The following EPS8 variants were observed in gnomAD, a reference collection of about 807,000 sequenced individuals.
The protein encoded by EPS8 is epidermal growth factor receptor kinase substrate 8.
A neutral mutation model predicts 103.8 loss-of-function variants in EPS8; 42 were observed. The observed-to-expected ratio is 0.40, with a 90% CI of 0.32 to 0.52. EPS8 has a LOEUF of 0.52. Among genes scored for constraint, EPS8 ranks in the 20% least tolerant of loss-of-function variants. EPS8 has a pLI of 0.40. For missense variants in EPS8, 969 were observed against 1,005.1 expected (o/e 0.96, Z 0.49); for synonymous variants, 344 against 344.6 (o/e 1.00, Z 0.02).
intron 3 of EPS8, among the ~76,000 whole-genome samples, chr12:15,678,971 C>T (rs60178670): frequency 0.089 from 12,902 of 144,700 alleles, 1,840 homozygotes; most frequent in African/African-American, 0.3. Context: ...TAAGATTTTA[C>T]AAAGTTGCTT....
rs541305952 is a variant in EPS8, at chr12:15,635,309, T to C, written c.1822-3645A>G. Among the ~76,000 whole-genome samples the C allele has an allele frequency of 3.3e-5, 5 of 152,338 alleles. No homozygotes were observed. In the East Asian group the frequency reaches 7.7e-4, roughly 23 times the overall value. ...ACATATATATATTTATAGTGGGTAT[T>C]ATTCAAATTATCATTAAGAAGTCTC... On this transcript the variant is annotated intron_variant, in intron 17 of 20. Transcript: ENST00000281172.
rs913689782 is a variant in EPS8, at chr12:15,666,454, C to T, written c.585G>A (p.Arg195=). The T allele has an allele frequency of 6.2e-7, 1 of 1,613,178 alleles. No individual in the cohort carries two copies. Among genetic ancestry groups the T allele is most frequent in the Non-Finnish European group, 8.5e-7 (1 of 1,179,288 alleles). ...AATGCTTTTACCTCAGGGCGTCGGG[C>T]CGCCTCTTCTGTTTCCCTCCTTTAC... ...SDSKGGKQKR[R]PDALRMISNA... is the part of the protein sequence containing the mutation. The change falls in exon 7 of 21, where the codon CGG becomes CGA. Residue 195 remains arginine (R), a synonymous_variant. Coordinates refer to ENST00000281172, the MANE Select transcript of EPS8 (RefSeq NM_004447.6).
At position 15,776,986 on chromosome 12, in the gene EPS8, G is replaced by C. The variant is rs1947212670; in HGVS notation, c.-22+12175C>G. Among the ~76,000 whole-genome samples the C allele has an allele frequency of 6.6e-6, 1 of 152,000 alleles. No individual in the cohort carries two copies. Among genetic ancestry groups the C allele is most frequent in the African/African-American group, 2.4e-5 (1 of 41,388 alleles). On this transcript the variant is annotated intron_variant, in intron 1 of 20. Coordinates refer to ENST00000281172, the MANE Select transcript of EPS8 (RefSeq NM_004447.6). This position sits in a 1 kb window ranked among gnomAD's most constrained non-coding sequence, Gnocchi z 4.2. ...TGGATTAAATTATCCCATATTTTTA[G>C]GTCTTTTATCCTGTAGTCCAATGAG...
In EPS8 at chr12:15,745,799, G is replaced by A. The variant is rs1328806166; in HGVS notation, c.-22+43362C>T. Among the ~76,000 whole-genome samples the A allele has an allele frequency of 6.6e-6, 1 of 152,160 alleles. No homozygotes were observed. Among genetic ancestry groups the A allele is most frequent in the African/African-American group, 2.4e-5 (1 of 41,442 alleles). ...GAAACATCAAGAGCTATTATATGTG[G>A]TTTCCCAGTACATGTAAGTTTAAAA... On this transcript the variant is annotated intron_variant, in intron 1 of 20. Coordinates refer to ENST00000281172, the MANE Select transcript of EPS8 (RefSeq NM_004447.6). The surrounding 1 kb of genome is among the most constrained non-coding windows in gnomAD (Gnocchi z 4.6).
At position 15,734,974 on chromosome 12, in the gene EPS8, A is replaced by C. The variant is rs1946754376; in HGVS notation, c.-21-52002T>G. Reference sequence around the variant, plus strand: ...GATGTCAAGGAACTAGGGTCACAACACTGAAGGGCATCTGTAGCACAGCCC... The same window carrying C: ...GATGTCAAGGAACTAGGGTCACAACCCTGAAGGGCATCTGTAGCACAGCCC... On this transcript the variant is annotated intron_variant, in intron 1 of 20. Transcript: ENST00000281172. The surrounding 1 kb of genome is among the most constrained non-coding windows in gnomAD (Gnocchi z 4.1). Among the ~76,000 whole-genome samples, 1 of 152,184 alleles carries C rather than the reference A, an allele frequency of 6.6e-6. No individual in the cohort carries two copies. Among genetic ancestry groups the C allele is most frequent in the Non-Finnish European group, 1.5e-5 (1 of 68,030 alleles).
chr12:15,714,189 G>A lies in EPS8; in HGVS notation c.-21-31217C>T, dbSNP rs1474647825. ...ATTTACTGTGATTATTAACAAATAT[G>A]CCAAACAGAAAATTGAGTGCTCAAC... On this transcript the variant is annotated intron_variant, in intron 1 of 20. Coordinates refer to ENST00000281172, the MANE Select transcript of EPS8 (RefSeq NM_004447.6). The surrounding 1 kb of genome is among the most constrained non-coding windows in gnomAD (Gnocchi z 4.1). Among the ~76,000 whole-genome samples, 2 of 151,988 alleles carry A rather than the reference G, an allele frequency of 1.3e-5. No homozygotes were observed. The highest frequency in any genetic ancestry group is 4.8e-5 in the African/African-American group (2 of 41,398).
At position 15,702,293 on chromosome 12, in the gene EPS8, T is replaced by C. The variant is rs936229108; in HGVS notation, c.-21-19321A>G. Among the ~76,000 whole-genome samples the C allele has an allele frequency of 3.3e-5, 5 of 152,168 alleles. No homozygotes were observed. Among genetic ancestry groups the C allele is most frequent in the Non-Finnish European group, 5.9e-5 (4 of 68,026 alleles). On this transcript the variant is annotated intron_variant, in intron 1 of 20. Transcript: ENST00000281172. The surrounding 1 kb of genome is among the most constrained non-coding windows in gnomAD (Gnocchi z 5.1). ...TGATTTTAGGGTTGAGAGAGTATCA[T>C]CCTATTTCCTTAAAATCTATCGTTT...
rs967219033 is a variant in EPS8 at position 15,713,904 on chromosome 12, T to C, written c.-21-30932A>G. On this transcript the variant is annotated intron_variant, in intron 1 of 20. Transcript: ENST00000281172. This position sits in a 1 kb window ranked among gnomAD's most constrained non-coding sequence, Gnocchi z 4.8. Reference sequence around the variant, plus strand: ...AACCTATGACACAACAGTTTTGAAATGTGAATCTTATTTGTATGAGAATCT... The same window carrying C: ...AACCTATGACACAACAGTTTTGAAACGTGAATCTTATTTGTATGAGAATCT... Among the ~76,000 whole-genome samples, 1 of 152,242 alleles carries C rather than the reference T, an allele frequency of 6.6e-6. No individual in the cohort carries two copies. The highest frequency in any genetic ancestry group is 1.9e-4 in the East Asian group (1 of 5,206).
chr12:15,784,644 C>A lies in EPS8; in HGVS notation c.-22+4517G>T, dbSNP rs577663437. On this transcript the variant is annotated intron_variant, in intron 1 of 20. Transcript: ENST00000281172. The surrounding 1 kb of genome is among the most constrained non-coding windows in gnomAD (Gnocchi z 4.0). Reference sequence around the variant, plus strand: ...AGCAATCGCACTTCTAGATATTTATCCAACGGATATAAGAACTTATGTCTA... The same window carrying A: ...AGCAATCGCACTTCTAGATATTTATACAACGGATATAAGAACTTATGTCTA... 1.7e-3 allele frequency among the ~76,000 whole-genome samples: 264 copies of A among 152,218 alleles called. 2 individuals carry two copies. Among genetic ancestry groups the A allele is most frequent in the Non-Finnish European group, 2.3e-3 (153 of 67,956 alleles).
At position 15,696,972 on chromosome 12, in the gene EPS8, T is replaced by C. The variant is rs1261976626; in HGVS notation, c.-21-14000A>G. On this transcript the variant is annotated intron_variant, in intron 1 of 20. Transcript: ENST00000281172. The surrounding 1 kb of genome is among the most constrained non-coding windows in gnomAD (Gnocchi z 4.8). The stretch of plus-strand genomic sequence containing the variant: ...GTTTGGGAATTTCAGATAGATTTGT[T>C]TGGGTAAGTAAGCTATTTTAGGTCA... Among the ~76,000 whole-genome samples the C allele has an allele frequency of 1.3e-5, 2 of 152,168 alleles. No individual in the cohort carries two copies. The highest frequency in any genetic ancestry group is 3.8e-4 in the East Asian group (2 of 5,198).
intron 1 of EPS8, among the ~76,000 whole-genome samples, chr12:15,775,903 T>C (rs1947202403): frequency 6.6e-6 from 1 of 152,170 alleles, no homozygotes; most frequent in Non-Finnish European, 1.5e-5. Flanking sequence ...AGAAACTAGA[T>C]TGGGTTACAT....
intron 9 of EPS8, among the ~76,000 whole-genome samples, chr12:15,660,955 A>G (rs755228980): frequency 3.9e-5 from 6 of 152,284 alleles, no homozygotes; most frequent in Non-Finnish European, 5.9e-5. Context: ...TCTATTTTCA[A>G]TGTCATCAAG....
rs1182276853 is a variant in EPS8, at chr12:15,777,197, A to G, written c.-22+11964T>C. ...CCTATATAAATTTTTTTTTTACATTATATAACTCAAGATATATTTTAATTC... is the reference window on the plus strand; with the variant it reads ...CCTATATAAATTTTTTTTTTACATTGTATAACTCAAGATATATTTTAATTC... On this transcript the variant is annotated intron_variant, in intron 1 of 20. Transcript: ENST00000281172. The surrounding 1 kb of genome is among the most constrained non-coding windows in gnomAD (Gnocchi z 4.7). Among the ~76,000 whole-genome samples the G allele has an allele frequency of 6.6e-6, 1 of 152,076 alleles. No individual in the cohort carries two copies. Among genetic ancestry groups the G allele is most frequent in the Non-Finnish European group, 1.5e-5 (1 of 68,016 alleles).
Position 15,702,243 on chromosome 12 carries a change from C to T in EPS8, c.-21-19271G>A, listed in dbSNP as rs776161449. ...TGGAGATGCTAAAGATTCAGAGGTG[C>T]TCTTGGAAGCCTGCCTGTCCAGTGT... On this transcript the variant is annotated intron_variant, in intron 1 of 20. Coordinates refer to ENST00000281172, the MANE Select transcript of EPS8 (RefSeq NM_004447.6). The surrounding 1 kb of genome is among the most constrained non-coding windows in gnomAD (Gnocchi z 5.1). Among the ~76,000 whole-genome samples, 6 of 152,166 alleles carry T rather than the reference C, an allele frequency of 3.9e-5. No individual in the cohort carries two copies. The highest frequency in any genetic ancestry group is 1.4e-4 in the African/African-American group (6 of 41,438).
intron 15 of EPS8, among the ~76,000 whole-genome samples, chr12:15,643,119 A>C (rs1172664665): frequency 6.6e-6 from 1 of 152,144 alleles, no homozygotes; most frequent in African/African-American, 2.4e-5. Flanking sequence ...TTCACATTTA[A>C]TCTACTAAGA....
At chr12:15,650,758 G>T in intron 14 of EPS8, 65 bp downstream of exon 14, 1 of 1,314,228 alleles carries the variant, frequency 7.6e-7, no homozygotes, top group Non-Finnish European at 1.1e-6. Flanking sequence ...CTTGCAATCA[G>T]AATTACAAGA....
intron 1 of EPS8, among the ~76,000 whole-genome samples, chr12:15,729,748 T>C (rs530706707): frequency 1.3e-5 from 2 of 152,338 alleles, no homozygotes; most frequent in South Asian, 4.1e-4. Context: ...CTTTCTGTTA[T>C]TGATTTCTAG....
At chr12:15,743,332 A>T (rs1379276870) in intron 1 of EPS8, among the ~76,000 whole-genome samples, 3 of 151,880 alleles carry the variant, frequency 2.0e-5, no homozygotes. Context: ...AAATGGCCAT[A>T]CTGCCCAAGG....
intron 18 of EPS8, among the ~76,000 whole-genome samples, chr12:15,631,210 C>T (rs1327535127): frequency 1.3e-5 from 2 of 152,264 alleles, no homozygotes; most frequent in African/African-American, 4.8e-5. Flanking sequence ...ATTCAATTAT[C>T]ATAACAGATT....
Sources: gnomAD v4.1 joint callset for allele counts (sites outside exome capture counted in the v4.1 genomes callset) on GRCh38, gnomAD v4.1.1 for gene constraint, Gnocchi (gnomAD v3.1) non-coding constraint, MANE v1.5 for transcripts, NCBI Gene and HGNC (gene_info 2026-07-23, HGNC 2026-07-21) for gene names.